Variants in RBL1 observed in about 807,000 individuals in gnomAD.
The protein encoded by RBL1 is RB transcriptional corepressor like 1.
Under a neutral mutation model 123.0 loss-of-function variants are expected in RBL1, and 82 were observed. The observed-to-expected ratio is 0.67, with a 90% confidence interval of 0.56 to 0.80. The LOEUF is 0.80. Among genes scored for constraint, RBL1 ranks in the 30% least tolerant of loss-of-function variants. RBL1 has a pLI of 0.00. For missense variants in RBL1, 1,171 were observed against 1,299.6 expected, an observed-to-expected ratio of 0.90 and a Z score of 1.52; for synonymous variants, 405 against 441.3, an observed-to-expected ratio of 0.92 and a Z score of 1.03.
At chr20:37,005,561 C>T (rs1038660727) in intron 20 of RBL1, among the ~76,000 whole-genome samples, 3 of 151,850 alleles carry the variant, frequency 2.0e-5, no homozygotes, top group African/African-American at 4.8e-5. Flanking sequence ...ATGATTCCAA[C>T]GTGGAAAAAA....
At position 36,997,797 on chromosome 20, in the gene RBL1, A is replaced by T. The variant is rs1478635475; in HGVS notation, c.*962T>A. On this transcript the variant is annotated 3_prime_UTR_variant, in exon 22 of 22. Transcript: ENST00000373664. ...AAATGATAATAGTTTACAAAAGAAG[A>T]AAGTGCCCCATTTATTGGGTTGTGA... 1.3e-5 allele frequency: 2 copies of T among 152,194 alleles called. No individual in the cohort carries two copies. Among genetic ancestry groups the T allele is most frequent in the Non-Finnish European group, 2.9e-5 (2 of 68,040 alleles). The allele number at this position is 152,194 out of a possible 1,614,324, so 9.4% of individuals were successfully genotyped here. A position where few individuals can be genotyped will look rare whatever the true frequency, so the allele number is the denominator to read the frequency against.
In RBL1 at chr20:37,095,795, A is replaced by T; in HGVS notation, c.134T>A (p.Ile45Asn). ...CACCTCTAGGCTGTAGTTGCCTCGGATGGCAGTAAAGTCGTCCAGGGCTTC... is the reference window on the plus strand; with the variant it reads ...CACCTCTAGGCTGTAGTTGCCTCGGTTGGCAGTAAAGTCGTCCAGGGCTTC... ...AAEALDDFTA[I>N]RGNYSLEGEV... The change falls in exon 1 of 22, where the codon ATC becomes AAC. Residue 45 changes from isoleucine to asparagine, a missense_variant. Transcript: ENST00000373664. The T allele has an allele frequency of 6.2e-7, 1 of 1,609,460 alleles. No homozygotes were observed. Among genetic ancestry groups the T allele is most frequent in the South Asian group, 1.1e-5 (1 of 90,388 alleles).
chr20:37,088,901 A>T, intron 2 of RBL1, 88 bp downstream of exon 2: 2 of 875,858 alleles, frequency 2.3e-6, no homozygotes, highest in Non-Finnish European at 3.2e-6. Context: ...AATAAAAATT[A>T]AATGAAGTCA....
chr20:37,052,356 C>G (rs935795682), intron 11 of RBL1, among the ~76,000 whole-genome samples: 9 of 150,846 alleles, frequency 6.0e-5, no homozygotes, highest in African/African-American at 2.2e-4. Flanking sequence ...TTTTGAGATG[C>G]AGTCTCTCTC....
At chr20:37,001,313 TAGA>T (rs934941575) in intron 21 of RBL1, among the ~76,000 whole-genome samples, 3 of 151,638 alleles carry the variant, frequency 2.0e-5, no homozygotes, top group Admixed American at 2.0e-4. Flanking sequence ...TTTTGTGGAA[TAGA>T]AAGGGGGGAA....
intron 16 of RBL1, among the ~76,000 whole-genome samples, chr20:37,023,599 A>G (rs184384300): frequency 8.0e-4 from 122 of 152,250 alleles, no homozygotes; most frequent in Middle Eastern, 6.8e-3. Context: ...TAGGAGCACA[A>G]TGGGAACGAA....
At position 37,047,161 on chromosome 20, in the gene RBL1, A is replaced by G. The variant is rs2064829652; in HGVS notation, c.1497T>C (p.Arg499=). 3 of 1,603,644 alleles carry G rather than the reference A, an allele frequency of 1.9e-6. No homozygotes were observed. Among genetic ancestry groups the G allele is most frequent in the Non-Finnish European group, 2.5e-6 (3 of 1,178,068 alleles). Residue 499 remains arginine, a synonymous_variant, in exon 12 of 22, where the codon CGT becomes CGC. Transcript: ENST00000373664. ...TTTCCAAACAACAAGCCATCAAGGA[A>G]CGATGAAATATATCTTGCTCTAAAA... is the stretch of plus-strand genomic sequence containing the variant. The part of the protein sequence containing the change: ...SVLLEQDIFH[R]SLMACCLEIV...
intron 3 of RBL1, 28 bp downstream of exon 3, chr20:37,067,958 G>A: frequency 6.3e-7 from 1 of 1,594,864 alleles, no homozygotes; most frequent in Non-Finnish European, 8.5e-7. Flanking sequence ...TAATCTTTAT[G>A]TCAATTATAT....
chr20:37,027,567 T>C (rs2064446255), intron 16 of RBL1, among the ~76,000 whole-genome samples: 1 of 152,176 alleles, frequency 6.6e-6, no homozygotes, highest in Non-Finnish European at 1.5e-5. Flanking sequence ...GTTATAAATA[T>C]CTGATTAACA....
At position 37,007,462 on chromosome 20, in the gene RBL1, T is replaced by G. The variant is rs1411352790; in HGVS notation, c.2820A>C (p.Gly940=). 6.2e-7 allele frequency: 1 copy of G among 1,614,042 alleles called. No homozygotes were observed. The highest frequency in any genetic ancestry group is 1.3e-5 in the African/African-American group (1 of 75,062). Residue 940 remains glycine (G), a synonymous_variant, in exon 20 of 22, where the codon GGA becomes GGC. Coordinates refer to ENST00000373664, the MANE Select transcript of RBL1 (RefSeq NM_002895.5). ...ATTTCAGTGCAAATGACTTCACTCT[T>G]CCTACATATATTGTATTGTAAAATT... The part of the protein sequence containing the change: ...LIKFYNTIYV[G]RVKSFALKYD...
In RBL1 at chr20:37,001,771, GA is replaced by G. The variant is rs1241710765; in HGVS notation, c.3036+1930del. On this transcript the variant is annotated intron_variant, in intron 21 of 21. Coordinates refer to ENST00000373664, the MANE Select transcript of RBL1 (RefSeq NM_002895.5). Reference sequence around the variant, plus strand: ...TGATCAATAAAAAAGAAAAAAAATGGAAAAAAAAAAAAAAAGAAAAATAAGC... The same window carrying G: ...TGATCAATAAAAAAGAAAAAAAATGGAAAAAAAAAAAAAAGAAAAATAAGC... Among the ~76,000 whole-genome samples the G allele has an allele frequency of 8.9e-3, 970 of 109,566 alleles. 1 individual carries two copies. The highest frequency in any genetic ancestry group is 0.02 in the African/African-American group (626 of 30,572). 71.9% of individuals were successfully genotyped at this position (109,566 alleles called of 152,430 possible).
At chr20:37,011,963 T>G (rs1475665439) in intron 19 of RBL1, among the ~76,000 whole-genome samples, 1 of 152,228 alleles carries the variant, frequency 6.6e-6, no homozygotes. Context: ...CTCGGCTCAC[T>G]GCAACCTCCC....
At chr20:37,048,787 G>A (rs1309116835) in intron 11 of RBL1, among the ~76,000 whole-genome samples, 1 of 151,904 alleles carries the variant, frequency 6.6e-6, no homozygotes, top group Non-Finnish European at 1.5e-5. Context: ...AGAAAAGCGA[G>A]GTGCAGCAGC....
chr20:37,044,958 G>C (rs2064794403), intron 12 of RBL1, among the ~76,000 whole-genome samples: 1 of 151,702 alleles, frequency 6.6e-6, no homozygotes, highest in Non-Finnish European at 1.5e-5. Context: ...GTGACTTTGC[G>C]TATATACACT....
chr20:37,000,907 GC>G (rs1297683415), intron 21 of RBL1, among the ~76,000 whole-genome samples: 2 of 138,020 alleles, frequency 1.4e-5, no homozygotes, highest in Admixed American at 7.1e-5. Flanking sequence ...GGGGGGGTCA[GC>G]CCCCCGCCCG....
At chr20:37,041,612 T>G (rs1046478701) in intron 13 of RBL1, among the ~76,000 whole-genome samples, 1 of 152,142 alleles carries the variant, frequency 6.6e-6, no homozygotes, top group African/African-American at 2.4e-5. Context: ...CATGAGCCAC[T>G]GCACCAGCCT....
intron 21 of RBL1, among the ~76,000 whole-genome samples, chr20:37,000,896 T>G (rs1401500114): frequency 2.7e-5 from 3 of 109,890 alleles, no homozygotes; most frequent in South Asian, 3.1e-4. Context: ...AGGAGGGAGG[T>G]GGGGGGGTCA....
At chr20:37,070,918 T>G (rs932583166) in intron 2 of RBL1, among the ~76,000 whole-genome samples, 1 of 151,640 alleles carries the variant, frequency 6.6e-6, no homozygotes, top group African/African-American at 2.4e-5. Context: ...TTTTTTGAGA[T>G]GGAGTCTCAG....
chr20:37,026,336 AAAG>A (rs1465620145), intron 16 of RBL1, among the ~76,000 whole-genome samples: 6 of 152,214 alleles, frequency 3.9e-5, no homozygotes, highest in Admixed American at 6.5e-5. Context: ...TCAAGTGACA[AAAG>A]AATGGAGAAA....
Sources: gnomAD v4.1 joint callset for allele counts (sites outside exome capture counted in the v4.1 genomes callset) on GRCh38, gnomAD v4.1.1 for gene constraint, MANE v1.5 for transcripts, NCBI Gene and HGNC (gene_info 2026-07-23, HGNC 2026-07-21) for gene names.